PTPRB: variants seen among roughly 807,000 people sequenced by gnomAD.
PTPRB encodes receptor-type tyrosine-protein phosphatase beta.
In PTPRB, 97 loss-of-function variants were observed where a neutral mutation model predicts 238.1. The ratio of observed to expected loss-of-function variants is 0.41; its 90% CI spans 0.35 to 0.48. PTPRB has a LOEUF of 0.48. Ranked by LOEUF, PTPRB falls within the 20% of genes least tolerant of loss-of-function variation. The probability of loss-of-function intolerance (pLI) is 0.30; values close to 1 mark genes in which losing one functional copy is unlikely to be tolerated. For missense variants in PTPRB, 2,292 were observed against 2,681.9 expected, an observed-to-expected ratio of 0.85 and a Z score of 3.21; for synonymous variants, 970 against 995.4, an observed-to-expected ratio of 0.97 and a Z score of 0.48.
rs1464646060 is a variant in PTPRB at position 70,590,070 on chromosome 12, C to T, written c.1944G>A (p.Gln648=). The part of the protein sequence containing the change: ...LNITVGKEET[Q]YVMDDTGLVP... Reference sequence around the variant, plus strand: ...CGAGCCCCGTGTCATCCATGACATACTGTGTTTCTTCCTTTCCCACAGTGA... The same window carrying T: ...CGAGCCCCGTGTCATCCATGACATATTGTGTTTCTTCCTTTCCCACAGTGA... Residue 648 remains glutamine (Q), a synonymous_variant, in exon 8 of 34, where the codon CAG becomes CAA. Transcript: ENST00000334414. The T allele has an allele frequency of 6.2e-7, 1 of 1,614,000 alleles. No homozygotes were observed. Among genetic ancestry groups the T allele is most frequent in the Admixed American group, 1.7e-5 (1 of 60,024 alleles).
rs1457108045 is a variant in PTPRB, at chr12:70,539,691, A to T, written c.5712T>A (p.Asn1904Lys). 3.1e-6 allele frequency: 5 copies of T among 1,598,948 alleles called. No individual in the cohort carries two copies. In the East Asian group the frequency reaches 9.0e-5, roughly 29 times the overall value. ...GCTTCATGAAATGCCCTTCAAACTGATTTATTTTTATTGGACTGTAATTAA... is the reference window on the plus strand; with the variant it reads ...GCTTCATGAAATGCCCTTCAAACTGTTTTATTTTTATTGGACTGTAATTAA... ...NRKTSCPIKI[N>K]QFEGHFMKLQ... Residue 1904 changes from asparagine (N) to lysine (K), a missense_variant, in exon 26 of 34, where the codon AAT (asparagine) becomes AAA (lysine). Asn to Lys is a moderately conservative substitution (Grantham distance 94). Around this residue, in one of 4 missense-constraint regions of PTPRB, gnomAD observed 397 missense variants for 502.0 expected, o/e 0.79. Coordinates refer to ENST00000334414, the MANE Select transcript of PTPRB (RefSeq NM_001109754.4).
At chr12:70,636,476 C>A (rs1202144719) in intron 1 of PTPRB, among the ~76,000 whole-genome samples, 1 of 152,134 alleles carries the variant, frequency 6.6e-6, no homozygotes, top group African/African-American at 2.4e-5. Flanking sequence ...TCGATATAAG[C>A]TTCCTCCCTT....
At chr12:70,621,976 T>C (rs1566019815) in intron 3 of PTPRB, among the ~76,000 whole-genome samples, 1 of 152,210 alleles carries the variant, frequency 6.6e-6, no homozygotes, top group Non-Finnish European at 1.5e-5. Context: ...GAATCAATTA[T>C]AGTGATTCTT....
intron 23 of PTPRB, chr12:70,540,318 T>A: frequency 3.5e-6 from 1 of 287,484 alleles, no homozygotes; most frequent in Non-Finnish European, 6.4e-6. Context: ...TCCAGTAAAT[T>A]TCAGATGCCA....
chr12:70,591,650 G>T (rs1025704807), intron 7 of PTPRB: 2 of 152,232 alleles, frequency 1.3e-5, no homozygotes, highest in African/African-American at 4.8e-5. Flanking sequence ...AATTTTTTCT[G>T]TAAGGATCAG....
chr12:70,596,881 T>C (rs1013576628), intron 4 of PTPRB, among the ~76,000 whole-genome samples: 5 of 151,916 alleles, frequency 3.3e-5, no homozygotes, highest in Non-Finnish European at 5.9e-5. Flanking sequence ...CTTACCAAAA[T>C]GGATTCTCCC....
At chr12:70,575,337 G>A (rs940664186) in intron 11 of PTPRB, among the ~76,000 whole-genome samples, 1 of 152,124 alleles carries the variant, frequency 6.6e-6, no homozygotes, top group African/African-American at 2.4e-5. Context: ...TAAATCAGAG[G>A]TTCTTAGCTT....
chr12:70,584,438 A>G (rs1881683158), intron 9 of PTPRB, among the ~76,000 whole-genome samples: 1 of 152,052 alleles, frequency 6.6e-6, no homozygotes, highest in Non-Finnish European at 1.5e-5. Flanking sequence ...AGAGAAACAA[A>G]AAGAAATATA....
intron 21 of PTPRB, among the ~76,000 whole-genome samples, chr12:70,552,253 G>A (rs1404459900): frequency 6.6e-6 from 1 of 152,136 alleles, no homozygotes; most frequent in Non-Finnish European, 1.5e-5. Flanking sequence ...GGAGGCCAAG[G>A]CAGGCAGATC....
chr12:70,611,817 A>C (rs2717432), intron 3 of PTPRB, among the ~76,000 whole-genome samples: 37,174 of 151,922 alleles, frequency 0.24, 6,106 homozygotes, highest in African/African-American at 0.45. Context: ...AGGTCACCTG[A>C]AGAGTAAAGA....
intron 27 of PTPRB, 130 bp from the exon 28 acceptor site, chr12:70,538,361 A>C: frequency 1.4e-6 from 1 of 729,294 alleles, no homozygotes; most frequent in Non-Finnish European, 2.2e-6. Context: ...CATTTTGCAG[A>C]TGAGGCTCAG....
At chr12:70,599,282 T>C (rs921067230) in intron 4 of PTPRB, among the ~76,000 whole-genome samples, 1 of 152,194 alleles carries the variant, frequency 6.6e-6, no homozygotes, top group Non-Finnish European at 1.5e-5. Flanking sequence ...CTTGAAAATT[T>C]AGTCATGTAC....
intron 8 of PTPRB, among the ~76,000 whole-genome samples, chr12:70,588,095 CAAAAAA>C (rs10558140): frequency 3.8e-5 from 4 of 104,664 alleles, no homozygotes; most frequent in Non-Finnish European, 5.6e-5. Flanking sequence ...GACTCTGTCT[CAAAAAA>C]AAAAAAAAAA....
rs542314858 is a variant in PTPRB, at chr12:70,610,898, T to A, written c.709-1559A>T. 1.0e-3 allele frequency among the ~76,000 whole-genome samples: 159 copies of A among 151,802 alleles called. 1 individual carries two copies. Among genetic ancestry groups the A allele is most frequent in the Non-Finnish European group, 1.7e-3 (117 of 67,966 alleles). On this transcript the variant is annotated intron_variant, in intron 3 of 33. Transcript: ENST00000334414. The stretch of plus-strand genomic sequence containing the variant: ...AGCTCTCCACAAGTTAAAAAAAAAA[T>A]GGCATTTATTCAGCGTTCAGCCCTA...
intron 5 of PTPRB, 40 bp downstream of exon 5, chr12:70,596,009 A>T (rs374593496): frequency 2.1e-6 from 3 of 1,443,122 alleles, no homozygotes; most frequent in African/African-American, 1.4e-5. Flanking sequence ...CTTGAAAAGT[A>T]TCCTATTAAC....
chr12:70,539,628 G>A lies in PTPRB; in HGVS notation c.5775C>T (p.Tyr1925=), dbSNP rs766683415. 1.3e-5 allele frequency: 20 copies of A among 1,547,952 alleles called. No individual in the cohort carries two copies. Among genetic ancestry groups the A allele is most frequent in the South Asian group, 3.5e-5 (3 of 85,656 alleles). Residue 1925 remains tyrosine, a synonymous_variant, in exon 26 of 34, where the codon TAC becomes TAT. Coordinates refer to ENST00000334414, the MANE Select transcript of PTPRB (RefSeq NM_001109754.4). ...ADSNYLLSKE[Y]EELKDVGRNQ... is the part of the protein sequence containing the mutation. ...CTTCATTCTGCCTGAGTTGTACCTC[G>A]TATTCCTTGGATAGAAGGTAGTTGG...
chr12:70,615,049 G>A (rs753381342), intron 3 of PTPRB, among the ~76,000 whole-genome samples: 1 of 152,138 alleles, frequency 6.6e-6, no homozygotes, highest in Non-Finnish European at 1.5e-5. Context: ...TAAATGAGAA[G>A]TTGCATGTCA....
chr12:70,524,727 G>T, intron 32 of PTPRB, 136 bp from the exon 33 acceptor site: 1 of 905,412 alleles, frequency 1.1e-6, no homozygotes, highest in Non-Finnish European at 1.6e-6. Flanking sequence ...AATGGTCTCT[G>T]GTAAATAAAA....
intron 3 of PTPRB, among the ~76,000 whole-genome samples, chr12:70,617,828 A>G (rs1437874789): frequency 6.9e-6 from 1 of 145,710 alleles, no homozygotes; most frequent in East Asian, 2.2e-4. Flanking sequence ...AGGAAATGCA[A>G]TCCTTCTCCC....
Sources: gnomAD v4.1 joint callset for allele counts (sites outside exome capture counted in the v4.1 genomes callset) on GRCh38, gnomAD v4.1.1 for gene constraint, gnomAD v4.1.1 regional missense constraint, MANE v1.5 for transcripts, NCBI Gene and HGNC (gene_info 2026-07-23, HGNC 2026-07-21) for gene names.